The following CTIF variants were observed in gnomAD, a reference collection of about 807,000 sequenced individuals.
CTIF encodes the protein cap binding complex dependent translation initiation factor.
Under a neutral mutation model 66.0 loss-of-function variants are expected in CTIF, and 21 were observed. That is an observed-to-expected ratio of 0.32 (90% CI 0.23 to 0.46). The LOEUF is 0.46. Among genes scored for constraint, CTIF ranks in the 20% least tolerant of loss-of-function variants. The probability of loss-of-function intolerance (pLI) is 1.00; values close to 1 mark genes in which losing one functional copy is unlikely to be tolerated. For missense variants in CTIF, 739 were observed against 812.7 expected (o/e 0.91, Z 1.10); for synonymous variants, 345 against 326.4 (o/e 1.06, Z -0.62).
rs140610759 is a variant in CTIF at position 48,692,876 on chromosome 18, A to G, written c.508-18743A>G. The stretch of plus-strand genomic sequence containing the variant: ...GATTTTAAAATCTCCTCAGGTCATT[A>G]TACTGTGCAGTGTGGGAACCACTGC... On this transcript the variant is annotated intron_variant, in intron 6 of 11. Coordinates refer to ENST00000256413, the MANE Select transcript of CTIF (RefSeq NM_014772.3). Among the ~76,000 whole-genome samples the G allele has an allele frequency of 5.4e-4, 83 of 152,318 alleles. 1 individual carries two copies. Among genetic ancestry groups the G allele is most frequent in the East Asian group, 5.0e-3 (26 of 5,178 alleles).
intron 9 of CTIF, among the ~76,000 whole-genome samples, chr18:48,772,388 A>G (rs901536125): frequency 9.3e-5 from 14 of 150,004 alleles, no homozygotes; most frequent in African/African-American, 3.2e-4. Context: ...CCGCATACCT[A>G]CAATGTTGGA....
At chr18:48,678,598 T>C (rs544940854) in intron 6 of CTIF, among the ~76,000 whole-genome samples, 1 of 152,168 alleles carries the variant, frequency 6.6e-6, no homozygotes, top group Admixed American at 6.5e-5. Flanking sequence ...AGTCTTTTTT[T>C]TTTTTTTTTA....
rs555225138 is a variant in CTIF at position 48,860,494 on chromosome 18, T to C, written c.*935T>C. ...GAATCCTGTGTTCCTCGCCACTGGC[T>C]TCCAGCGCCTCTGTTTTCTCAAAGG... On this transcript the variant is annotated 3_prime_UTR_variant, in exon 12 of 12. Coordinates refer to ENST00000256413, the MANE Select transcript of CTIF (RefSeq NM_014772.3). The C allele has an allele frequency of 4.4e-4, 68 of 155,482 alleles. 1 individual carries two copies. In the South Asian group the frequency reaches 0.013, roughly 30 times the overall value. The allele number at this position is 155,482 out of a possible 1,614,324, so 9.6% of individuals were successfully genotyped here.
At chr18:48,756,483 G>A (rs1389360305) in intron 7 of CTIF, among the ~76,000 whole-genome samples, 2 of 152,190 alleles carry the variant, frequency 1.3e-5, no homozygotes, top group Non-Finnish European at 2.9e-5. Flanking sequence ...AATACAATTT[G>A]TTCATAACAT....
intron 10 of CTIF, among the ~76,000 whole-genome samples, chr18:48,849,794 C>A (rs982577883): frequency 2.6e-5 from 4 of 151,966 alleles, no homozygotes; most frequent in African/African-American, 9.7e-5. Flanking sequence ...CCATGTTGGC[C>A]AGGTTGATCT....
chr18:48,590,161 G>A (rs2089858952), intron 1 of CTIF, among the ~76,000 whole-genome samples: 1 of 152,366 alleles, frequency 6.6e-6, no homozygotes, highest in Non-Finnish European at 1.5e-5. Flanking sequence ...TGGAAGTTTG[G>A]GACCCAAGCC....
intron 9 of CTIF, among the ~76,000 whole-genome samples, chr18:48,768,029 G>A (rs183035651): frequency 5.3e-5 from 8 of 152,106 alleles, no homozygotes; most frequent in East Asian, 3.9e-4. Flanking sequence ...ACTTCTACCC[G>A]TTTCTCCCAT....
chr18:48,734,289 G>T (rs1171030486), intron 7 of CTIF, among the ~76,000 whole-genome samples: 1 of 152,340 alleles, frequency 6.6e-6, no homozygotes, highest in African/African-American at 2.4e-5. Flanking sequence ...ATTTGGGCTG[G>T]GCTCAGTGGC....
At chr18:48,648,696 T>C (rs1281839158) in intron 3 of CTIF, among the ~76,000 whole-genome samples, 1 of 152,068 alleles carries the variant, frequency 6.6e-6, no homozygotes, top group Non-Finnish European at 1.5e-5. Flanking sequence ...AGGAGATGAG[T>C]CTGGGGTCCT....
intron 9 of CTIF, among the ~76,000 whole-genome samples, chr18:48,767,050 G>A (rs1909635152): frequency 6.6e-6 from 1 of 150,988 alleles, no homozygotes; most frequent in Non-Finnish European, 1.5e-5. Flanking sequence ...AGTTCAGCCT[G>A]TCTCCCCATA....
chr18:48,727,431 T>G (rs1044839475), intron 7 of CTIF, among the ~76,000 whole-genome samples: 3 of 152,182 alleles, frequency 2.0e-5, no homozygotes, highest in African/African-American at 4.8e-5. Flanking sequence ...TGCAGCTGAT[T>G]TGTTGCTCAG....
intron 10 of CTIF, among the ~76,000 whole-genome samples, chr18:48,848,383 G>A (rs371518732): frequency 5.5e-4 from 84 of 152,290 alleles, no homozygotes; most frequent in African/African-American, 2.0e-3. Flanking sequence ...TGCCCCTGTG[G>A]CCACCTCCAG....
chr18:48,750,739 G>A (rs1907724228), intron 7 of CTIF, among the ~76,000 whole-genome samples: 1 of 152,190 alleles, frequency 6.6e-6, no homozygotes, highest in African/African-American at 2.4e-5. Context: ...CATTCCCAGC[G>A]GGCCCTGGCT....
intron 1 of CTIF, among the ~76,000 whole-genome samples, chr18:48,578,042 C>G (rs1423462877): frequency 1.3e-5 from 2 of 152,216 alleles, no homozygotes; most frequent in African/African-American, 4.8e-5. Flanking sequence ...TTTGTCTATT[C>G]TGGACATTTT....
intron 8 of CTIF, chr18:48,760,738 A>G (rs1426412993): frequency 6.6e-6 from 1 of 152,116 alleles, no homozygotes; most frequent in African/African-American, 2.4e-5. Context: ...AGGGCTTTTT[A>G]CTTGTAATAT....
At chr18:48,717,385 C>T (rs924552223) in intron 7 of CTIF, among the ~76,000 whole-genome samples, 1 of 149,990 alleles carries the variant, frequency 6.7e-6, no homozygotes, top group African/African-American at 2.5e-5. Flanking sequence ...GCAACAAGAG[C>T]GAAAATCTGT....
At chr18:48,730,192 AGGTGTGAGGGGCTCCTGT>A (rs1368711282) in intron 7 of CTIF, among the ~76,000 whole-genome samples, 90 of 142,098 alleles carry the variant, frequency 6.3e-4, no homozygotes, top group Non-Finnish European at 1.1e-3. Context: ...GGGGCCCCCG[AGGTGTGAGGGGCTCCTGT>A]GGTGTGAGGA....
chr18:48,616,358 C>T (rs2090400079), intron 1 of CTIF, among the ~76,000 whole-genome samples: 3 of 152,214 alleles, frequency 2.0e-5, no homozygotes. Flanking sequence ...GGCCAGCTCT[C>T]CGGAACCTGT....
At chr18:48,796,815 C>T (rs946147641) in intron 9 of CTIF, among the ~76,000 whole-genome samples, 3 of 152,204 alleles carry the variant, frequency 2.0e-5, no homozygotes, top group South Asian at 2.1e-4. Context: ...ACTGAAATCG[C>T]GTGGGTAGCT....
Sources: allele counts gnomAD v4.1 joint callset (sites outside exome capture counted in the v4.1 genomes callset), GRCh38; gene constraint gnomAD v4.1.1; transcripts MANE v1.5; gene names NCBI Gene and HGNC (gene_info 2026-07-23, HGNC 2026-07-21).